CLNK: variants seen among roughly 807,000 people sequenced by gnomAD.
The protein encoded by CLNK is cytokine-dependent hematopoietic cell linker.
A neutral mutation model predicts 68.6 loss-of-function variants in CLNK; 74 were observed. That is an observed-to-expected ratio of 1.08 (90% confidence interval 0.89 to 1.31). The LOEUF (loss-of-function observed/expected upper bound fraction) is 1.31. Among genes scored for constraint, CLNK ranks in the 50% most tolerant of loss-of-function variants. CLNK has a pLI of 0.00. For missense variants in CLNK, 553 were observed against 515.3 expected, an observed-to-expected ratio of 1.07 and a Z score of -0.71; for synonymous variants, 198 against 172.2, an observed-to-expected ratio of 1.15 and a Z score of -1.17.
intron 2 of CLNK, among the ~76,000 whole-genome samples, chr4:10,624,333 G>C (rs1722575374): frequency 6.6e-6 from 1 of 152,144 alleles, no homozygotes; most frequent in South Asian, 2.1e-4. Context: ...TTGAGACGGA[G>C]TCTCGCTCTG....
intron 1 of CLNK, among the ~76,000 whole-genome samples, chr4:10,670,195 G>A (rs1019745404): frequency 6.6e-6 from 1 of 152,206 alleles, no homozygotes; most frequent in African/African-American, 2.4e-5. Flanking sequence ...GCATAGCAAA[G>A]CAAAGTTTGC....
chr4:10,707,113 G>A, the CLNK span, among the ~76,000 whole-genome samples: 3 of 152,130 alleles, frequency 2.0e-5, no homozygotes, highest in African/African-American at 7.2e-5. Context: ...TTTCTTGATA[G>A]TGACGTCAAG....
chr4:10,700,490 A>G, the CLNK span, among the ~76,000 whole-genome samples: 1 of 152,212 alleles, frequency 6.6e-6, no homozygotes, highest in Non-Finnish European at 1.5e-5. Context: ...CACAGTTTCC[A>G]AAAATCTTTA....
At chr4:10,653,200 G>C (rs896160845) in intron 2 of CLNK, among the ~76,000 whole-genome samples, 18 of 152,052 alleles carry the variant, frequency 1.2e-4, no homozygotes, top group Non-Finnish European at 2.6e-4. Context: ...GGAGATGGGG[G>C]GCTAGGGGAG....
intron 4 of CLNK, among the ~76,000 whole-genome samples, chr4:10,573,288 A>T (rs1007949654): frequency 6.6e-6 from 1 of 152,218 alleles, no homozygotes; most frequent in Non-Finnish European, 1.5e-5. Context: ...AGTTCTCTGG[A>T]ATTTGCCTAG....
chr4:10,733,328 T>C, the CLNK span, among the ~76,000 whole-genome samples: 1 of 152,092 alleles, frequency 6.6e-6, no homozygotes, highest in Non-Finnish European at 1.5e-5. Flanking sequence ...ACAGCCCACC[T>C]TCCCCCCTTC....
In CLNK at chr4:10,508,890, C is replaced by CTTG; in HGVS notation, c.907-855_907-854insCAA. Among the ~76,000 whole-genome samples, 6 of 152,112 alleles carry CTTG rather than the reference C, an allele frequency of 3.9e-5. No individual in the cohort carries two copies. In the South Asian group the frequency reaches 1.0e-3, roughly 26 times the overall value. ...TTGGGAGGCCAAGGCGGGCGGATCA[C>CTTG]AAGGTCAGGAGATCGAGACCATCCT... On this transcript the variant is annotated intron_variant, in intron 16 of 18. Coordinates refer to ENST00000226951, the MANE Select transcript of CLNK (RefSeq NM_052964.4).
chr4:10,556,034 G>A (rs1315829508), intron 8 of CLNK, among the ~76,000 whole-genome samples: 1 of 152,200 alleles, frequency 6.6e-6, no homozygotes, highest in Non-Finnish European at 1.5e-5. Context: ...ACCTCTCTGA[G>A]CCTTGCTTTC....
At chr4:10,673,918 G>A (rs1402367791) in intron 1 of CLNK, among the ~76,000 whole-genome samples, 1 of 152,122 alleles carries the variant, frequency 6.6e-6, no homozygotes, top group African/African-American at 2.4e-5. Flanking sequence ...CCCAGAAATG[G>A]AGCACAACTC....
At chr4:10,584,115 G>T (rs1172800826) in intron 4 of CLNK, among the ~76,000 whole-genome samples, 1 of 151,894 alleles carries the variant, frequency 6.6e-6, no homozygotes, top group Non-Finnish European at 1.5e-5. Flanking sequence ...TTCTGTAGAG[G>T]GATTAAGGCT....
chr4:10,546,100 G>A (rs1719220223), intron 8 of CLNK, among the ~76,000 whole-genome samples: 1 of 152,166 alleles, frequency 6.6e-6, no homozygotes, highest in Non-Finnish European at 1.5e-5. Flanking sequence ...ATTGTCTTGA[G>A]GGATAGCATC....
the CLNK span, among the ~76,000 whole-genome samples, chr4:10,701,056 A>T: frequency 0.34 from 51,791 of 151,756 alleles, 9,168 homozygotes; most frequent in African/African-American, 0.42. Flanking sequence ...TTAGTCAAAT[A>T]TCTCTAAGCC....
At chr4:10,695,572 G>A in the CLNK span, among the ~76,000 whole-genome samples, 15 of 152,278 alleles carry the variant, frequency 9.9e-5, no homozygotes, top group African/African-American at 2.4e-4. Flanking sequence ...GTCCTGGCCC[G>A]TCAGGGCCTC....
intron 4 of CLNK, among the ~76,000 whole-genome samples, chr4:10,578,469 CA>C (rs778946318): frequency 1.9e-4 from 29 of 151,914 alleles, no homozygotes; most frequent in South Asian, 1.0e-3. Context: ...ATCCTGAGGC[CA>C]AAATCATTTG....
At chr4:10,578,579 CTTTTTTTTTTT>C (rs5856062) in intron 4 of CLNK, among the ~76,000 whole-genome samples, 4 of 44,892 alleles carry the variant, frequency 8.9e-5, no homozygotes, top group Admixed American at 3.5e-4. Context: ...CTTACCTTAT[CTTTTTTTTTTT>C]TTTTTTTTTT....
intron 12 of CLNK, among the ~76,000 whole-genome samples, chr4:10,528,644 A>G (rs920019572): frequency 6.6e-6 from 1 of 152,224 alleles, no homozygotes; most frequent in African/African-American, 2.4e-5. Context: ...GTAGGCACCC[A>G]TGTTACATTA....
At chr4:10,619,349 T>G (rs1560245523) in intron 2 of CLNK, among the ~76,000 whole-genome samples, 1 of 152,208 alleles carries the variant, frequency 6.6e-6, no homozygotes, top group Non-Finnish European at 1.5e-5. Context: ...CCGGTCAGAC[T>G]CCTTGAACTG....
intron 8 of CLNK, among the ~76,000 whole-genome samples, chr4:10,557,255 C>G (rs913935623): frequency 1.3e-5 from 2 of 152,066 alleles, no homozygotes; most frequent in African/African-American, 4.8e-5. Flanking sequence ...CCTCCAGAAC[C>G]TCCCTCCACC....
intron 7 of CLNK, among the ~76,000 whole-genome samples, chr4:10,561,137 G>A (rs1315661132): frequency 6.6e-6 from 1 of 151,996 alleles, no homozygotes; most frequent in Non-Finnish European, 1.5e-5. Flanking sequence ...CTGGGCTGAA[G>A]CAATTCACCT....
Sources: allele counts gnomAD v4.1 joint callset (sites outside exome capture counted in the v4.1 genomes callset), GRCh38; gene constraint gnomAD v4.1.1; transcripts MANE v1.5; gene names NCBI Gene and HGNC (gene_info 2026-07-23, HGNC 2026-07-21).